The following CUL1 variants were observed in gnomAD, a reference collection of about 807,000 sequenced individuals.
CUL1 encodes cullin 1.
In CUL1, 24 loss-of-function variants were observed where a neutral mutation model predicts 118.0. That is an observed-to-expected ratio of 0.20 (90% CI 0.15 to 0.29). The LOEUF (loss-of-function observed/expected upper bound fraction) is 0.29. Among genes scored for constraint, CUL1 ranks in the 10% least tolerant of loss-of-function variants. The pLI is 1.00. For missense variants in CUL1, 361 were observed against 933.8 expected (o/e 0.39, Z 7.99); for synonymous variants, 332 against 340.4 (o/e 0.98, Z 0.27).
chr7:148,727,645 A>G (rs1023815556), intron 1 of CUL1, among the ~76,000 whole-genome samples: 2 of 152,134 alleles, frequency 1.3e-5, no homozygotes, highest in Non-Finnish European at 1.5e-5. Context: ...CTTCCTAGTA[A>G]GCCTCCTTTG....
chr7:148,712,266 G>C (rs1230695190), intron 1 of CUL1, among the ~76,000 whole-genome samples: 2 of 152,192 alleles, frequency 1.3e-5, no homozygotes, highest in Non-Finnish European at 2.9e-5. Flanking sequence ...TGTGGAGCTG[G>C]TGTTTTAAAG....
rs749722272 is a variant in CUL1, at chr7:148,787,063, C to T, written c.1422C>T (p.Leu474=). 51 of 1,613,688 alleles carry T rather than the reference C, an allele frequency of 3.2e-5. No homozygotes were observed. Among genetic ancestry groups the T allele is most frequent in the African/African-American group, 8.0e-5 (6 of 74,948 alleles). ...ATGCGAAGATGCTCGCCAAGAGGCT[C>T]GTCCACCAGAACAGTGCAAGTGACG... ...KFYAKMLAKR[L]VHQNSASDDA... The change falls in exon 13 of 22, where the codon CTC becomes CTT. Residue 474 remains leucine (L), a synonymous_variant. Transcript: ENST00000325222. The surrounding 1 kb of genome is among the most constrained non-coding windows in gnomAD (Gnocchi z 5.5).
upstream of CUL1, chr7:148,698,058 T>C (rs1327813427): frequency 6.6e-6 from 1 of 152,188 alleles, no homozygotes; most frequent in Non-Finnish European, 1.5e-5. Context: ...GAAAGCCTAG[T>C]TAGGTTTTAT....
At chr7:148,737,789 C>T (rs563543605) in intron 2 of CUL1, among the ~76,000 whole-genome samples, 2 of 151,668 alleles carry the variant, frequency 1.3e-5, no homozygotes, top group Admixed American at 6.6e-5. Context: ...TTAGTAGATA[C>T]GGGGTTTCAT....
rs1203417069 is a variant in CUL1 at position 148,778,070 on chromosome 7, C to CAAAAAAAAAAAAAA, written c.1084-5699_1084-5686dup. Among the ~76,000 whole-genome samples, 57 of 13,754 alleles carry CAAAAAAAAAAAAAA rather than the reference C, an allele frequency of 4.1e-3. 3 individuals carry two copies. Among genetic ancestry groups the CAAAAAAAAAAAAAA allele is most frequent in the Non-Finnish European group, 5.5e-3 (39 of 7,042 alleles). 9.0% of individuals were successfully genotyped at this position (13,754 alleles called of 152,430 possible). ...AGGGTGACAGAAGAAGACCCTGTCT[C>CAAAAAAAAAAAAAA]AAAAAAAAAAAAAAAAAAAAAAAAA... On this transcript the variant is annotated intron_variant, in intron 9 of 21. Coordinates refer to ENST00000325222, the MANE Select transcript of CUL1 (RefSeq NM_003592.3).
At chr7:148,793,464 G>T (rs545760643) in intron 17 of CUL1, among the ~76,000 whole-genome samples, 19 of 152,212 alleles carry the variant, frequency 1.2e-4, no homozygotes, top group South Asian at 4.2e-4. Context: ...GTAACTGCCC[G>T]CTAGCTCCCA....
At chr7:148,786,820 A>G (rs1008233228) in intron 12 of CUL1, among the ~76,000 whole-genome samples, 169 bp from the exon 13 acceptor site, 4 of 152,206 alleles carry the variant, frequency 2.6e-5, no homozygotes, top group African/African-American at 9.7e-5. Flanking sequence ...GACTCACAAA[A>G]CTTTCAAGAC....
chr7:148,699,935 A>G (rs1015170133), intron 1 of CUL1, among the ~76,000 whole-genome samples: 8 of 152,088 alleles, frequency 5.3e-5, no homozygotes, highest in African/African-American at 1.9e-4. Context: ...AAGATCTGAA[A>G]GACCCCCGTT....
chr7:148,700,758 T>C (rs746946011), intron 1 of CUL1, among the ~76,000 whole-genome samples: 21 of 152,194 alleles, frequency 1.4e-4, no homozygotes, highest in Non-Finnish European at 2.5e-4. Flanking sequence ...TTTTTTCTCA[T>C]TGGCTTCATC....
intron 9 of CUL1, among the ~76,000 whole-genome samples, chr7:148,775,597 G>A (rs918077790): frequency 3.9e-5 from 6 of 152,002 alleles, no homozygotes; most frequent in African/African-American, 9.7e-5. Context: ...AAGGAAGCAC[G>A]GTTTTGTACA....
At chr7:148,764,493 G>C (rs1799940555) in intron 7 of CUL1, among the ~76,000 whole-genome samples, 1 of 152,210 alleles carries the variant, frequency 6.6e-6, no homozygotes, top group African/African-American at 2.4e-5. Context: ...GGAAGGGTCT[G>C]TAGACTAAGA....
Position 148,720,182 on chromosome 7 carries a change from TAGA to T in CUL1, c.-161-9774_-161-9772del, listed in dbSNP as rs1258558662. 5.3e-5 allele frequency among the ~76,000 whole-genome samples: 8 copies of T among 152,258 alleles called. No individual in the cohort carries two copies. The East Asian group carries it at 1.5e-3, about 29-fold the overall frequency. On this transcript the variant is annotated intron_variant, in intron 1 of 21. Transcript: ENST00000325222. The stretch of plus-strand genomic sequence containing the variant: ...GTGTGGGTAAATAAAACGCAGCGTA[TAGA>T]AGAAGGTCCCTGCAGTTCATTCAGT...
intron 1 of CUL1, among the ~76,000 whole-genome samples, chr7:148,712,212 C>A (rs1798074248): frequency 6.6e-6 from 1 of 152,240 alleles, no homozygotes; most frequent in East Asian, 1.9e-4. Context: ...GGGTTTCATA[C>A]AACAGCATCC....
intron 7 of CUL1, among the ~76,000 whole-genome samples, chr7:148,762,266 A>G (rs1455953294): frequency 6.6e-6 from 1 of 152,196 alleles, no homozygotes; most frequent in East Asian, 1.9e-4. Flanking sequence ...AACCTCATAG[A>G]GAAAGTCCTA....
intron 2 of CUL1, 95 bp from the exon 3 acceptor site, chr7:148,753,881 G>A: frequency 2.3e-6 from 2 of 888,232 alleles, no homozygotes; most frequent in Non-Finnish European, 3.3e-6. Context: ...TTGATATATT[G>A]GGAATGCATT....
At chr7:148,744,335 C>G (rs1799238248) in intron 2 of CUL1, among the ~76,000 whole-genome samples, 1 of 150,576 alleles carries the variant, frequency 6.6e-6, no homozygotes, top group South Asian at 2.1e-4. Context: ...TTCCACCCTT[C>G]TTTAGGATTA....
chr7:148,797,803 T>G lies in CUL1; in HGVS notation c.1900-9T>G. 1 of 1,612,056 alleles carries G rather than the reference T, an allele frequency of 6.2e-7. No homozygotes were observed. The highest frequency in any genetic ancestry group is 1.1e-5 in the South Asian group (1 of 90,672). ...CCCTTTAACTTCCTCTTTTTCTCTT[T>G]AATTGCAGGACATTTTGGCGCAAGT... On this transcript the variant is annotated splice_polypyrimidine_tract_variant and intron_variant, in intron 17 of 21. Coordinates refer to ENST00000325222, the MANE Select transcript of CUL1 (RefSeq NM_003592.3).
At chr7:148,714,231 G>A (rs955168683) in intron 1 of CUL1, among the ~76,000 whole-genome samples, 3 of 152,202 alleles carry the variant, frequency 2.0e-5, no homozygotes, top group Admixed American at 2.0e-4. Flanking sequence ...TTTGATATAT[G>A]TACGCTGCAC....
At chr7:148,723,662 CAAA>C (rs3059215) in intron 1 of CUL1, among the ~76,000 whole-genome samples, 83 of 142,168 alleles carry the variant, frequency 5.8e-4, no homozygotes, top group East Asian at 2.1e-3. Flanking sequence ...TATGACTCAC[CAAA>C]AAAAAAAAAG....
Sources: gnomAD v4.1 joint callset for allele counts (sites outside exome capture counted in the v4.1 genomes callset) on GRCh38, gnomAD v4.1.1 for gene constraint, Gnocchi (gnomAD v3.1) non-coding constraint, MANE v1.5 for transcripts, NCBI Gene and HGNC (gene_info 2026-07-23, HGNC 2026-07-21) for gene names.